The following PTPRG variants were observed in gnomAD, a reference collection of about 807,000 sequenced individuals.
PTPRG encodes receptor-type tyrosine-protein phosphatase gamma.
In PTPRG, 102 loss-of-function variants were observed where a neutral mutation model predicts 165.3. The ratio of observed to expected loss-of-function variants is 0.62; its 90% CI spans 0.53 to 0.73. The LOEUF is 0.73. Among genes scored for constraint, PTPRG ranks in the 30% least tolerant of loss-of-function variants. The probability of loss-of-function intolerance (pLI) is 0.00; values close to 1 mark genes in which losing one functional copy is unlikely to be tolerated. For missense variants in PTPRG, 1,866 were observed against 1,861.4 expected, an observed-to-expected ratio of 1.00 and a Z score of -0.05; for synonymous variants, 675 against 669.5, an observed-to-expected ratio of 1.01 and a Z score of -0.13.
chr3:61,698,218 C>A (rs1209905408), intron 1 of PTPRG, among the ~76,000 whole-genome samples: 1 of 152,130 alleles, frequency 6.6e-6, no homozygotes, highest in Admixed American at 6.6e-5. Context: ...AAAGAGATTT[C>A]TTTTTCCCTA....
intron 2 of PTPRG, among the ~76,000 whole-genome samples, chr3:61,760,552 T>A (rs1262289879): frequency 6.6e-6 from 1 of 152,228 alleles, no homozygotes; most frequent in Non-Finnish European, 1.5e-5. Context: ...TAGGCCTGAC[T>A]TGGTAGGGTT....
chr3:62,249,549 A>G (rs749482176), intron 15 of PTPRG, among the ~76,000 whole-genome samples: 21 of 152,176 alleles, frequency 1.4e-4, no homozygotes, highest in Non-Finnish European at 2.1e-4. Context: ...CTTTACAGGG[A>G]TTGCTCATAG....
chr3:62,175,121 A>G (rs2106756155), intron 8 of PTPRG, among the ~76,000 whole-genome samples: 1 of 152,362 alleles, frequency 6.6e-6, no homozygotes, highest in East Asian at 1.9e-4. Flanking sequence ...CTCTAAGTTT[A>G]TGTAAATATA....
chr3:62,218,986 AAGCCAGGC>A lies in PTPRG; in HGVS notation c.2288+7_2288+14del, dbSNP rs778323966. On this transcript the variant is annotated splice_donor_5th_base_variant and intron_variant, in intron 13 of 29. Transcript: ENST00000474889. ...ATTGCTGTGCTCGTTTACTGGAGGT[AAGCCAGGC>A]AGCACCTACAGCGTAGATTTGGGGG... 3.7e-6 allele frequency: 6 copies of A among 1,613,418 alleles called. No homozygotes were observed. In the African/African-American group the frequency reaches 8.0e-5, roughly 22 times the overall value.
intron 1 of PTPRG, among the ~76,000 whole-genome samples, chr3:61,578,232 C>CAGCAATTTGAAAGGTAGA (rs1404915953): frequency 6.6e-6 from 1 of 152,188 alleles, no homozygotes; most frequent in Non-Finnish European, 1.5e-5. Flanking sequence ...AGCTCCTGCT[C>CAGCAATTTGAAAGGTAGA]AGCAATTTGA....
intron 6 of PTPRG, among the ~76,000 whole-genome samples, chr3:62,156,389 T>C (rs978233919): frequency 2.4e-4 from 36 of 152,196 alleles, no homozygotes; most frequent in Admixed American, 4.6e-4. Flanking sequence ...TTTTCATTGT[T>C]GGGTCTGAAC....
Position 62,222,784 on chromosome 3 carries a change from A to G in PTPRG, c.2288+3801A>G, listed in dbSNP as rs1254539942. 6.6e-6 allele frequency among the ~76,000 whole-genome samples: 1 copy of G among 152,162 alleles called. No individual in the cohort carries two copies. Among genetic ancestry groups the G allele is most frequent in the African/African-American group, 2.4e-5 (1 of 41,450 alleles). On this transcript the variant is annotated intron_variant, in intron 13 of 29. Transcript: ENST00000474889. This position sits in a 1 kb window ranked among gnomAD's most constrained non-coding sequence, Gnocchi z 4.5. ...TTTTCAGCTTCCTATTATTTATGCA[A>G]TGCTTACAGAGTTCCTGCCATGCAT...
chr3:62,075,059 AG>A (rs1701338999), intron 4 of PTPRG, among the ~76,000 whole-genome samples: 1 of 152,230 alleles, frequency 6.6e-6, no homozygotes, highest in Non-Finnish European at 1.5e-5. Flanking sequence ...TAGATATTTC[AG>A]ACCTGTGCTA....
At chr3:62,094,729 G>A (rs1306962827) in intron 5 of PTPRG, among the ~76,000 whole-genome samples, 1 of 152,212 alleles carries the variant, frequency 6.6e-6, no homozygotes, top group Non-Finnish European at 1.5e-5. Flanking sequence ...GGCCTATGCT[G>A]AGAATTTGTT....
At chr3:62,251,484 T>A (rs1701417301) in intron 15 of PTPRG, among the ~76,000 whole-genome samples, 3 of 152,020 alleles carry the variant, frequency 2.0e-5, no homozygotes, top group African/African-American at 7.2e-5. Flanking sequence ...CTCCATCTCT[T>A]TAAATTAGCC....
chr3:62,006,831 A>C (rs1333519064), intron 4 of PTPRG, among the ~76,000 whole-genome samples: 1 of 152,194 alleles, frequency 6.6e-6, no homozygotes, highest in African/African-American at 2.4e-5. Context: ...GCCCCCACTA[A>C]AAGGAATCAT....
intron 4 of PTPRG, among the ~76,000 whole-genome samples, chr3:62,057,555 G>C (rs1700673395): frequency 6.6e-6 from 1 of 152,128 alleles, no homozygotes. Context: ...GTGTACACTG[G>C]TCACAGCTCA....
At chr3:61,845,121 A>G (rs1454877084) in intron 2 of PTPRG, among the ~76,000 whole-genome samples, 1 of 152,148 alleles carries the variant, frequency 6.6e-6, no homozygotes, top group Non-Finnish European at 1.5e-5. Context: ...TTCCCCAGCA[A>G]CCTACCTTAA....
At chr3:62,162,921 T>C (rs1025556090) in intron 7 of PTPRG, among the ~76,000 whole-genome samples, 1 of 152,172 alleles carries the variant, frequency 6.6e-6, no homozygotes, top group African/African-American at 2.4e-5. Flanking sequence ...AAGAACTACC[T>C]GAGACTGGGT....
At chr3:61,860,652 C>A (rs573110726) in intron 2 of PTPRG, among the ~76,000 whole-genome samples, 47 of 152,036 alleles carry the variant, frequency 3.1e-4, no homozygotes, top group African/African-American at 1.1e-3. Context: ...GCAGGTTGGC[C>A]AGACTGGTCT....
At chr3:61,787,354 A>G (rs558040606) in intron 2 of PTPRG, among the ~76,000 whole-genome samples, 32 of 152,322 alleles carry the variant, frequency 2.1e-4, no homozygotes, top group Non-Finnish European at 4.0e-4. Context: ...TTATGCTGTT[A>G]CTTCCTTTCC....
At chr3:62,021,896 G>T (rs2041702878) in intron 4 of PTPRG, among the ~76,000 whole-genome samples, 3 of 86,088 alleles carry the variant, frequency 3.5e-5, no homozygotes, top group East Asian at 3.2e-4. Flanking sequence ...GTTTTGTTTA[G>T]ACTTTCTATT....
chr3:61,823,818 A>G (rs1279719902), intron 2 of PTPRG, among the ~76,000 whole-genome samples: 1 of 152,134 alleles, frequency 6.6e-6, no homozygotes, highest in Non-Finnish European at 1.5e-5. Flanking sequence ...TACTGATAAT[A>G]AATATCCCTG....
intron 2 of PTPRG, among the ~76,000 whole-genome samples, chr3:61,772,136 C>A (rs1026968787): frequency 6.6e-6 from 1 of 150,900 alleles, no homozygotes; most frequent in Non-Finnish European, 1.5e-5. Flanking sequence ...TCCTTCTTTG[C>A]CAATTCCCAT....
Sources: gnomAD v4.1 joint callset for allele counts (sites outside exome capture counted in the v4.1 genomes callset) on GRCh38, gnomAD v4.1.1 for gene constraint, Gnocchi (gnomAD v3.1) non-coding constraint, MANE v1.5 for transcripts, NCBI Gene and HGNC (gene_info 2026-07-23, HGNC 2026-07-21) for gene names.